WIPI2: variants seen among roughly 807,000 people sequenced by gnomAD.
WIPI2 encodes the protein WD repeat domain phosphoinositide-interacting protein 2.
WIPI2 carries 28 observed loss-of-function variants against 52.3 expected under a neutral mutation model. The ratio of observed to expected loss-of-function variants is 0.54; its 90% CI spans 0.40 to 0.73. The LOEUF (loss-of-function observed/expected upper bound fraction) is 0.73. Among genes scored for constraint, WIPI2 ranks in the 30% least tolerant of loss-of-function variants. WIPI2 has a pLI of 0.00. For missense variants in WIPI2, 506 were observed against 602.9 expected (o/e 0.84, Z 1.68); for synonymous variants, 268 against 245.0 (o/e 1.09, Z -0.88).
intron 3 of WIPI2, chr7:5,214,229 C>T (rs1782699976): frequency 3.1e-6 from 4 of 1,304,312 alleles, no homozygotes; most frequent in South Asian, 3.0e-5. Flanking sequence ...TTCACTTTAC[C>T]TAGGAGTTTG....
At chr7:5,193,423 G>A (rs1781573841) in intron 2 of WIPI2, 2 of 1,120,810 alleles carry the variant, frequency 1.8e-6, no homozygotes, top group Admixed American at 3.5e-5. Context: ...GACTTTCCAA[G>A]TCTTGTGTTT....
intron 3 of WIPI2, among the ~76,000 whole-genome samples, chr7:5,211,890 CCAAGGTTG>C (rs964144244): frequency 6.6e-6 from 1 of 152,178 alleles, no homozygotes; most frequent in African/African-American, 2.4e-5. Context: ...CCAGTACTCA[CCAAGGTTG>C]CAGTGCCGCA....
chr7:5,225,943 T>TA lies in WIPI2; in HGVS notation c.848+14dup, dbSNP rs754519566. Reference sequence around the variant, plus strand: ...CTGTGAAAGAAAAGTGAGTTGCAAATATACGTTTCTTTAAAAATGATGCAA... The same window carrying TA: ...CTGTGAAAGAAAAGTGAGTTGCAAATAATACGTTTCTTTAAAAATGATGCAA... On this transcript the variant is annotated intron_variant, in intron 9 of 12. Transcript: ENST00000288828. 40 of 1,607,172 alleles carry TA rather than the reference T, an allele frequency of 2.5e-5. No individual in the cohort carries two copies. The highest frequency in any genetic ancestry group is 1.0e-4 in the Admixed American group (6 of 59,224).
At chr7:5,210,879 G>A (rs919533766) in intron 3 of WIPI2, among the ~76,000 whole-genome samples, 1 of 152,120 alleles carries the variant, frequency 6.6e-6, no homozygotes, top group Non-Finnish European at 1.5e-5. Context: ...ACATGCTGAC[G>A]TAATGGGGAT....
At chr7:5,190,844 G>C (rs756707353) in intron 1 of WIPI2, 2 of 199,032 alleles carry the variant, frequency 1.0e-5, no homozygotes, top group Non-Finnish European at 2.0e-5. Context: ...GGAGCGCTGG[G>C]TGTGGGTCGC....
At chr7:5,195,440 C>T (rs556611424) in intron 2 of WIPI2, among the ~76,000 whole-genome samples, 18 of 152,248 alleles carry the variant, frequency 1.2e-4, no homozygotes, top group South Asian at 6.2e-4. Flanking sequence ...AAGGCGAGAT[C>T]GCACCACTGT....
chr7:5,214,430 GC>G (rs1562397510), intron 3 of WIPI2, 104 bp from the exon 4 acceptor site: 1 of 1,611,814 alleles, frequency 6.2e-7, no homozygotes, highest in African/African-American at 1.3e-5. Context: ...TCAGCGCTGT[GC>G]CCTGCGTGTC....
chr7:5,212,343 C>T (rs554509290), intron 3 of WIPI2, among the ~76,000 whole-genome samples: 89 of 152,290 alleles, frequency 5.8e-4, no homozygotes, highest in African/African-American at 2.0e-3. Flanking sequence ...GCAACCGGGC[C>T]AGTGCGTGCA....
In WIPI2 at chr7:5,227,183, C is replaced by A. The variant is rs373703272; in HGVS notation, c.852C>A (p.Pro284=). 1 of 1,613,754 alleles carries A rather than the reference C, an allele frequency of 6.2e-7. No homozygotes were observed. The highest frequency in any genetic ancestry group is 1.7e-5 in the Admixed American group (1 of 60,006). Residue 284 remains proline, a synonymous_variant, in exon 10 of 13, where the codon CCC becomes CCA. Transcript: ENST00000288828. The surrounding 1 kb of genome is among the most constrained non-coding windows in gnomAD (Gnocchi z 8.1). ...GTCTGGTGGCCTTTCCTTCCAGACC[C>A]CCAGAGGAGCCCACCACCTGGACCG... The part of the protein sequence containing the change: ...IFKLETVKEK[P]PEEPTTWTGY...
chr7:5,224,197 G>A (rs55698647), intron 8 of WIPI2, among the ~76,000 whole-genome samples: 7,657 of 152,272 alleles, frequency 0.05, 217 homozygotes, highest in South Asian at 0.055. Flanking sequence ...CAGAAGAGCC[G>A]ATCTCTTTTA....
At chr7:5,203,859 A>G (rs1249934774) in intron 3 of WIPI2, among the ~76,000 whole-genome samples, 1 of 151,724 alleles carries the variant, frequency 6.6e-6, no homozygotes, top group Non-Finnish European at 1.5e-5. Context: ...TCCTGACCTC[A>G]TGATCCACCC....
chr7:5,217,591 C>T (rs1466424226), intron 6 of WIPI2: 3 of 420,258 alleles, frequency 7.1e-6, no homozygotes, highest in Non-Finnish European at 1.3e-5. Context: ...GCCCCGCGCC[C>T]AGCCCCACTG....
intron 8 of WIPI2, among the ~76,000 whole-genome samples, chr7:5,224,122 C>G (rs138558775): frequency 2.0e-5 from 3 of 152,260 alleles, no homozygotes; most frequent in Non-Finnish European, 4.4e-5. Context: ...CCAGCCCTTC[C>G]GCCCAGCCTG....
intron 3 of WIPI2, among the ~76,000 whole-genome samples, chr7:5,202,288 A>G (rs1024226101): frequency 6.6e-6 from 1 of 152,244 alleles, no homozygotes; most frequent in Non-Finnish European, 1.5e-5. Context: ...GTCTAGCAGT[A>G]CTGGAAGATA....
At chr7:5,213,970 C>A (rs948198587) in intron 3 of WIPI2, among the ~76,000 whole-genome samples, 1 of 152,244 alleles carries the variant, frequency 6.6e-6, no homozygotes, top group Non-Finnish European at 1.5e-5. Flanking sequence ...CAGGCGTGAG[C>A]CACCGCGCCC....
intron 2 of WIPI2, among the ~76,000 whole-genome samples, chr7:5,194,158 G>C (rs1781625697): frequency 6.6e-6 from 1 of 152,096 alleles, no homozygotes; most frequent in African/African-American, 2.4e-5. Context: ...AACTCTGCTT[G>C]GGGATACTGA....
At chr7:5,210,254 C>A (rs1287291574) in intron 3 of WIPI2, among the ~76,000 whole-genome samples, 2 of 152,154 alleles carry the variant, frequency 1.3e-5, no homozygotes, top group Non-Finnish European at 2.9e-5. Context: ...TTTTCCACTT[C>A]TCATTCTCTT....
At chr7:5,210,653 C>G (rs2115259077) in intron 3 of WIPI2, among the ~76,000 whole-genome samples, 1 of 152,196 alleles carries the variant, frequency 6.6e-6, no homozygotes, top group Non-Finnish European at 1.5e-5. Flanking sequence ...CAAGTTTTAC[C>G]AAGCAAAGCA....
At chr7:5,219,996 C>T (rs1344989337) in intron 7 of WIPI2, among the ~76,000 whole-genome samples, 4 of 150,226 alleles carry the variant, frequency 2.7e-5, no homozygotes, top group East Asian at 1.9e-4. Context: ...CCACCACGCC[C>T]GGCTAATTGT....
Sources: gnomAD v4.1 joint callset for allele counts (sites outside exome capture counted in the v4.1 genomes callset) on GRCh38, gnomAD v4.1.1 for gene constraint, Gnocchi (gnomAD v3.1) non-coding constraint, MANE v1.5 for transcripts, NCBI Gene and HGNC (gene_info 2026-07-23, HGNC 2026-07-21) for gene names.